Variants in KCNQ1 observed in about 807,000 individuals in gnomAD.
The protein encoded by KCNQ1 is potassium voltage-gated channel subfamily KQT member 1.
KCNQ1 carries 49 observed loss-of-function variants against 72.4 expected under a neutral mutation model. The observed-to-expected ratio is 0.68, with a 90% CI of 0.54 to 0.86. The LOEUF (loss-of-function observed/expected upper bound fraction) is 0.86, where lower values mean the gene tolerates loss of function less well. Ranked by LOEUF, KCNQ1 falls within the 40% of genes least tolerant of loss-of-function variation. KCNQ1 has a pLI of 0.00. For missense variants in KCNQ1, 790 were observed against 945.1 expected (o/e 0.84, Z 2.15); for synonymous variants, 450 against 412.6 (o/e 1.09, Z -1.10).
Position 2,572,878 on chromosome 11 carries a change from G to A in KCNQ1, c.813G>A (p.Leu271=). 6.2e-7 allele frequency: 1 copy of A among 1,613,750 alleles called. No homozygotes were observed. The highest frequency in any genetic ancestry group is 8.5e-7 in the Non-Finnish European group (1 of 1,180,008). The change falls in exon 6 of 16, where the codon CTG becomes CTA. Residue 271 remains leucine, a synonymous_variant. Transcript: ENST00000155840. The part of the protein sequence containing the change: ...ELITTLYIGF[L]GLIFSSYFVY... ...TAACCACCCTGTACATCGGCTTCCT[G>A]GGCCTCATCTTCTCCTCGTACTTTG...
intron 11 of KCNQ1, among the ~76,000 whole-genome samples, chr11:2,732,163 A>G (rs1221137196): frequency 3.3e-5 from 5 of 152,248 alleles, no homozygotes; most frequent in Admixed American, 2.6e-4. Context: ...GGCTGCGGCC[A>G]GGCAGTGCCT....
chr11:2,590,196 C>T (rs910123387), intron 10 of KCNQ1, among the ~76,000 whole-genome samples: 2 of 152,208 alleles, frequency 1.3e-5, no homozygotes, highest in Non-Finnish European at 2.9e-5. Context: ...CAGGGGCGTG[C>T]ACCTTGTCTT....
chr11:2,571,554 A>G lies in KCNQ1; in HGVS notation c.683+151A>G, dbSNP rs545757385. The G allele has an allele frequency of 4.0e-5, 29 of 719,754 alleles. No individual in the cohort carries two copies. The South Asian group carries it at 4.1e-4, about 10-fold the overall frequency. The allele number at this position is 719,754 out of a possible 1,614,324, so 44.6% of individuals were successfully genotyped here. ...CGGGGGCACTGAGCCATGTGCTGGGATGGGTGGAGCAGGGTGGGTGCAGGC... is the reference window on the plus strand; with the variant it reads ...CGGGGGCACTGAGCCATGTGCTGGGGTGGGTGGAGCAGGGTGGGTGCAGGC... On this transcript the variant is annotated intron_variant, in intron 4 of 15. Coordinates refer to ENST00000155840, the MANE Select transcript of KCNQ1 (RefSeq NM_000218.3).
rs564218682 is a variant in KCNQ1 at position 2,675,168 on chromosome 11, G to A, written c.1514+13087G>A. The A allele has an allele frequency of 3.8e-5, 15 of 398,572 alleles. No homozygotes were observed. The South Asian group carries it at 6.4e-4, about 17-fold the overall frequency. 24.7% of individuals were successfully genotyped at this position (398,572 alleles called of 1,614,324 possible). ...ACCCTATTAGAGGTAGTGCTCTAGCGGGGAAAGATTAGGGCCCCTCTAGGT... is the reference window on the plus strand; with the variant it reads ...ACCCTATTAGAGGTAGTGCTCTAGCAGGGAAAGATTAGGGCCCCTCTAGGT... On this transcript the variant is annotated intron_variant, in intron 11 of 15. Coordinates refer to ENST00000155840, the MANE Select transcript of KCNQ1 (RefSeq NM_000218.3).
At position 2,567,143 on chromosome 11, in the gene KCNQ1, T is replaced by G. The variant is rs546096961; in HGVS notation, c.478-3485T>G. On this transcript the variant is annotated intron_variant, in intron 2 of 15. Coordinates refer to ENST00000155840, the MANE Select transcript of KCNQ1 (RefSeq NM_000218.3). This position sits in a 1 kb window ranked among gnomAD's most constrained non-coding sequence, Gnocchi z 6.6. ...GACAGCCCTAGACTGTCACCCTCAG[T>G]GTGGACAGCAGGAGCTATGGCAGCT... Among the ~76,000 whole-genome samples the G allele has an allele frequency of 6.6e-5, 10 of 152,040 alleles. No homozygotes were observed. The South Asian group carries it at 2.1e-3, about 32-fold the overall frequency.
chr11:2,722,625 G>A (rs1845688401), intron 11 of KCNQ1, among the ~76,000 whole-genome samples: 1 of 152,164 alleles, frequency 6.6e-6, no homozygotes, highest in African/African-American at 2.4e-5. Context: ...GAGCTGATGA[G>A]AGCGATGCCG....
chr11:2,658,703 T>C lies in KCNQ1; in HGVS notation c.1394-3258T>C, dbSNP rs117717212. Reference sequence around the variant, plus strand: ...GAGCTAGGAAATATATGTATGTATGTAACCTGAGTACACATACATCTTTAC... The same window carrying C: ...GAGCTAGGAAATATATGTATGTATGCAACCTGAGTACACATACATCTTTAC... On this transcript the variant is annotated intron_variant, in intron 10 of 15. Coordinates refer to ENST00000155840, the MANE Select transcript of KCNQ1 (RefSeq NM_000218.3). This position sits in a 1 kb window ranked among gnomAD's most constrained non-coding sequence, Gnocchi z 4.9. 806 of 398,590 alleles carry C rather than the reference T, an allele frequency of 2.0e-3. 8 individuals are homozygous for C. The East Asian group carries it at 0.025, about 12-fold the overall frequency. 24.7% of individuals were successfully genotyped at this position (398,590 alleles called of 1,614,324 possible). A position where few individuals can be genotyped will look rare whatever the true frequency, so the allele number is the denominator to read the frequency against.
chr11:2,843,704 T>A (rs1848258472), intron 15 of KCNQ1, among the ~76,000 whole-genome samples: 2 of 152,240 alleles, frequency 1.3e-5, no homozygotes, highest in Non-Finnish European at 2.9e-5. Context: ...GATTTTCTTT[T>A]GAAAACAAAT....
chr11:2,615,196 T>TATATACCA, intron 10 of KCNQ1: 1 of 398,250 alleles, frequency 2.5e-6, no homozygotes, highest in Non-Finnish European at 4.4e-6. Flanking sequence ...CTTCTTGGGC[T>TATATACCA]GTTCATTCCT....
Position 2,746,982 on chromosome 11 carries a change from G to A in KCNQ1, c.1515-21862G>A, listed in dbSNP as rs933519234. On this transcript the variant is annotated intron_variant, in intron 11 of 15. Transcript: ENST00000155840. The surrounding 1 kb of genome is among the most constrained non-coding windows in gnomAD (Gnocchi z 5.9). Reference sequence around the variant, plus strand: ...ATAGGGAAGCTGTGCAGGCAGCCTGGGTAATGGGCCACCGCCCCAGGCAGG... The same window carrying A: ...ATAGGGAAGCTGTGCAGGCAGCCTGAGTAATGGGCCACCGCCCCAGGCAGG... Among the ~76,000 whole-genome samples, 9 of 152,192 alleles carry A rather than the reference G, an allele frequency of 5.9e-5. No homozygotes were observed. Among genetic ancestry groups the A allele is most frequent in the Non-Finnish European group, 1.3e-4 (9 of 68,022 alleles).
In KCNQ1 at chr11:2,787,101, T is replaced by G. The variant is rs115302474; in HGVS notation, c.1794+9064T>G. Among the ~76,000 whole-genome samples, 788 of 152,296 alleles carry G rather than the reference T, an allele frequency of 5.2e-3. 9 individuals are homozygous for G. The highest frequency in any genetic ancestry group is 0.018 in the African/African-American group (750 of 41,556). Reference sequence around the variant, plus strand: ...TGGGTGTACTGCCAGCCTGGACTTTTAATTCTAGGCTCAAAGTTTTCTAGG... The same window carrying G: ...TGGGTGTACTGCCAGCCTGGACTTTGAATTCTAGGCTCAAAGTTTTCTAGG... On this transcript the variant is annotated intron_variant, in intron 15 of 15. Transcript: ENST00000155840. This position sits in a 1 kb window ranked among gnomAD's most constrained non-coding sequence, Gnocchi z 6.3.
At chr11:2,644,898 A>G (rs1590001734) in intron 10 of KCNQ1, 10 of 398,858 alleles carry the variant, frequency 2.5e-5, no homozygotes, top group Middle Eastern at 6.3e-4. Flanking sequence ...GGCTGGGGAT[A>G]GGGACACCAG....
At chr11:2,573,650 G>C (rs1589959114) in intron 6 of KCNQ1, among the ~76,000 whole-genome samples, 2 of 151,752 alleles carry the variant, frequency 1.3e-5, no homozygotes, top group African/African-American at 4.8e-5. Context: ...TGTGAAGGTG[G>C]GTTCCGGCCA....
rs1188422153 is a variant in KCNQ1 at position 2,600,874 on chromosome 11, C to T, written c.1393+12020C>T. On this transcript the variant is annotated intron_variant, in intron 10 of 15. Coordinates refer to ENST00000155840, the MANE Select transcript of KCNQ1 (RefSeq NM_000218.3). This position sits in a 1 kb window ranked among gnomAD's most constrained non-coding sequence, Gnocchi z 5.6. ...CTGATGTTTCCTCAGGTTAGATCCA[C>T]GTTGTGTACTCTGTAAGTGACCTGA... Among the ~76,000 whole-genome samples, 4 of 152,158 alleles carry T rather than the reference C, an allele frequency of 2.6e-5. No homozygotes were observed. Among genetic ancestry groups the T allele is most frequent in the Non-Finnish European group, 5.9e-5 (4 of 68,030 alleles).
At chr11:2,619,751 T>C (rs1474112436) in intron 10 of KCNQ1, 1 of 398,354 alleles carries the variant, frequency 2.5e-6, no homozygotes, top group Non-Finnish European at 4.4e-6. Flanking sequence ...AGCTGCATTT[T>C]TTTGGAAGAG....
chr11:2,822,822 T>C (rs1847765449), intron 15 of KCNQ1, among the ~76,000 whole-genome samples: 1 of 151,902 alleles, frequency 6.6e-6, no homozygotes, highest in Non-Finnish European at 1.5e-5. Flanking sequence ...CATTGTAAGA[T>C]CTGAAATTCA....
chr11:2,665,602 GAC>G (rs761672303), intron 11 of KCNQ1: 63 of 396,384 alleles, frequency 1.6e-4, no homozygotes, highest in Middle Eastern at 6.2e-4. Context: ...AACCCCCCAG[GAC>G]ACACTTAGGC....
At chr11:2,629,948 C>A (rs1310737425) in intron 10 of KCNQ1, 2 of 398,266 alleles carry the variant, frequency 5.0e-6, no homozygotes, top group Non-Finnish European at 8.9e-6. Context: ...GCTAGGACTT[C>A]CAGTACTGTG....
At position 2,621,379 on chromosome 11, in the gene KCNQ1, A is replaced by G. The variant is rs1849169501; in HGVS notation, c.1393+32525A>G. 2.5e-6 allele frequency: 1 copy of G among 398,562 alleles called. No homozygotes were observed. Among genetic ancestry groups the G allele is most frequent in the Non-Finnish European group, 4.4e-6 (1 of 226,044 alleles). The allele number at this position is 398,562 out of a possible 1,614,324, so 24.7% of individuals were successfully genotyped here. A position where few individuals can be genotyped will look rare whatever the true frequency, so the allele number is the denominator to read the frequency against. On this transcript the variant is annotated intron_variant, in intron 10 of 15. Coordinates refer to ENST00000155840, the MANE Select transcript of KCNQ1 (RefSeq NM_000218.3). The surrounding 1 kb of genome is among the most constrained non-coding windows in gnomAD (Gnocchi z 5.7). ...AAATGTATGTTCCTGTCCTTTGCCA[A>G]TTCAATTGGATTATTCGTTTTTTGC...
Sources: allele counts gnomAD v4.1 joint callset (sites outside exome capture counted in the v4.1 genomes callset), GRCh38; gene constraint gnomAD v4.1.1; non-coding constraint Gnocchi (gnomAD v3.1); transcripts MANE v1.5; gene names NCBI Gene and HGNC (gene_info 2026-07-23, HGNC 2026-07-21).